The following ITGB4 variants were observed in gnomAD, a reference collection of about 807,000 sequenced individuals.
ITGB4 encodes the protein integrin subunit beta 4.
Under a neutral mutation model 207.6 loss-of-function variants are expected in ITGB4, and 159 were observed. The observed-to-expected ratio is 0.77, with a 90% CI of 0.67 to 0.87. The LOEUF is 0.87. Ranked by LOEUF, ITGB4 falls within the 40% of genes least tolerant of loss-of-function variation. ITGB4 has a pLI of 0.00. For synonymous variants in ITGB4, 1,020 were observed against 1,062.7 expected (o/e 0.96, Z 0.78); for missense variants, 2,278 against 2,546.8 (o/e 0.89, Z 2.27).
At chr17:75,733,462 T>G in intron 12 of ITGB4, 28 bp from the exon 13 acceptor site, 1 of 1,604,014 alleles carries the variant, frequency 6.2e-7, no homozygotes, top group Non-Finnish European at 8.5e-7. Context: ...CCTGGGCTGT[T>G]TCGGGGAATG....
chr17:75,742,754 G>A lies in ITGB4; in HGVS notation c.2955G>A (p.Lys985=), dbSNP rs565947959. 91 of 1,608,692 alleles carry A rather than the reference G, an allele frequency of 5.7e-5. No individual in the cohort carries two copies. In the South Asian group the frequency reaches 9.3e-4, roughly 17 times the overall value. ...GRRLVNITII[K]EQARDVVSFE... The stretch of plus-strand genomic sequence containing the variant: ...GCCTGGTAAACATCACCATCATCAA[G>A]GAGCAAGGTGGGTCTGGGTGGGGAG... The change falls in exon 25 of 40, where the codon AAG becomes AAA. Residue 985 remains lysine (K), a synonymous_variant. Transcript: ENST00000200181. The surrounding 1 kb of genome is among the most constrained non-coding windows in gnomAD (Gnocchi z 5.9).
chr17:75,753,723 C>T, intron 32 of ITGB4, 42 bp from the exon 33 acceptor site: 1 of 1,311,470 alleles, frequency 7.6e-7, no homozygotes, highest in Non-Finnish European at 9.8e-7. Flanking sequence ...CTCGGCCCGG[C>T]GCCCCCCGGC....
chr17:75,749,109 A>T, intron 27 of ITGB4, 64 bp downstream of exon 27: 1 of 1,354,736 alleles, frequency 7.4e-7, no homozygotes, highest in East Asian at 2.3e-5. Context: ...TCTCTCAACT[A>T]GGTCTGTCAG....
In ITGB4 at chr17:75,724,789, C is replaced by G. The variant is rs1279966793; in HGVS notation, c.79+7C>G. On this transcript the variant is annotated splice_region_variant and intron_variant, in intron 2 of 39. Transcript: ENST00000200181. ...AGCCTCTCTGGGACCTTGGGTGAGT[C>G]CACGTTGCCCTGCAGCCCCCTCCTG... 1 of 1,611,950 alleles carries G rather than the reference C, an allele frequency of 6.2e-7. No individual in the cohort carries two copies. The highest frequency in any genetic ancestry group is 8.5e-7 in the Non-Finnish European group (1 of 1,178,750).
intron 23 of ITGB4, among the ~76,000 whole-genome samples, chr17:75,741,807 A>G (rs1232474013): frequency 1.4e-5 from 2 of 143,276 alleles, no homozygotes; most frequent in Non-Finnish European, 3.1e-5. Flanking sequence ...ATCCGTCTTG[A>G]AAAAAAAAAA....
chr17:75,756,524 G>T lies in ITGB4; in HGVS notation c.4804G>T (p.Ala1602Ser), dbSNP rs1568387067. 3.1e-6 allele frequency: 5 copies of T among 1,613,290 alleles called. No individual in the cohort carries two copies. In the Admixed American group the frequency reaches 6.7e-5, roughly 22 times the overall value. Residue 1602 changes from alanine (A) to serine (S), a missense_variant, in exon 36 of 40, where the codon GCC (alanine) becomes TCC (serine). Coordinates refer to ENST00000200181, the MANE Select transcript of ITGB4 (RefSeq NM_000213.5). ...CCACTCCTACGTGTTCCGCGTGCGG[G>T]CCCAGAGCCAGGAAGGCTGGGGCCG... ...PNHSYVFRVR[A>S]QSQEGWGRER...
chr17:75,735,961 C>G lies in ITGB4; in HGVS notation c.1658-90C>G, dbSNP rs914218002. 6.6e-6 allele frequency: 8 copies of G among 1,210,466 alleles called. No homozygotes were observed. The African/African-American group carries it at 8.9e-5, about 14-fold the overall frequency. 75.0% of individuals were successfully genotyped at this position (1,210,466 alleles called of 1,614,324 possible). ...TAGCGGCACCCTGGCTCCCACAGCTCTGTTCCCACAGGCCCTCCCTGCCAG... is the reference window on the plus strand; with the variant it reads ...TAGCGGCACCCTGGCTCCCACAGCTGTGTTCCCACAGGCCCTCCCTGCCAG... On this transcript the variant is annotated intron_variant, in intron 13 of 39. Transcript: ENST00000200181.
rs991886836 is a variant in ITGB4, at chr17:75,743,880, G to T, written c.3111+19G>T. On this transcript the variant is annotated intron_variant, in intron 26 of 39. Coordinates refer to ENST00000200181, the MANE Select transcript of ITGB4 (RefSeq NM_000213.5). ...CAACCGGGTGAGGCTGCGCCACAGG[G>T]TCGAGGGTGCAGCCCGGGGGGCTGC... 2 of 1,564,176 alleles carry T rather than the reference G, an allele frequency of 1.3e-6. No individual in the cohort carries two copies. Among genetic ancestry groups the T allele is most frequent in the Non-Finnish European group, 8.7e-7 (1 of 1,155,106 alleles).
At position 75,757,762 on chromosome 17, in the gene ITGB4, A is replaced by C; in HGVS notation, c.*207A>C. The C allele has an allele frequency of 1.4e-6, 1 of 714,890 alleles. No homozygotes were observed. Among genetic ancestry groups the C allele is most frequent in the Non-Finnish European group, 2.4e-6 (1 of 421,972 alleles). The allele number at this position is 714,890 out of a possible 1,614,324, so 44.3% of individuals were successfully genotyped here. On this transcript the variant is annotated 3_prime_UTR_variant, in exon 40 of 40. Transcript: ENST00000200181. ...ACCTATTTGTAACCAAAGAGCTGGG[A>C]GCAGCACAAGGACCCAGCCTTTGTT...
chr17:75,736,065 T>A lies in ITGB4; in HGVS notation c.1672T>A (p.Ser558Thr). ...CCTCTCTGCAGACCGAGGACGCTGC[T>A]CCATGGGCCAGTGTGTGTGTGAGCC... ...GFLCNDRGRC[S>T]MGQCVCEPGW... is the part of the protein sequence containing the mutation. Residue 558 changes from serine (S) to threonine (T), a missense_variant, in exon 14 of 40, where the codon TCC becomes ACC. Coordinates refer to ENST00000200181, the MANE Select transcript of ITGB4 (RefSeq NM_000213.5). The A allele has an allele frequency of 6.2e-7, 1 of 1,614,052 alleles. No homozygotes were observed.
intron 32 of ITGB4, 132 bp from the exon 33 acceptor site, chr17:75,753,630 GCCC>G: frequency 3.8e-6 from 2 of 521,470 alleles, no homozygotes; most frequent in Non-Finnish European, 5.9e-6. Context: ...ATCTACCCCC[GCCC>G]CCAACACACA....
intron 18 of ITGB4, among the ~76,000 whole-genome samples, chr17:75,738,926 T>C (rs2061043604): frequency 6.6e-6 from 1 of 151,660 alleles, no homozygotes; most frequent in Non-Finnish European, 1.5e-5. Context: ...CAGTGAGCTA[T>C]GATTATGCCA....
At chr17:75,748,188 G>A (rs2061275979) in intron 26 of ITGB4, among the ~76,000 whole-genome samples, 3 of 115,124 alleles carry the variant, frequency 2.6e-5, no homozygotes, top group South Asian at 6.1e-4. Flanking sequence ...TAGGGTAACC[G>A]TGCCTCTACA....
At chr17:75,748,561 T>C (rs1001932715) in intron 26 of ITGB4, among the ~76,000 whole-genome samples, 2 of 150,920 alleles carry the variant, frequency 1.3e-5, no homozygotes, top group African/African-American at 4.9e-5. Flanking sequence ...TCCCAGCTAC[T>C]CAGGAAGATG....
At chr17:75,736,734 AGGCAGCGGGCATCCAACGG>A in intron 16 of ITGB4, 40 bp downstream of exon 16, 2 of 1,572,142 alleles carry the variant, frequency 1.3e-6, no homozygotes, top group Non-Finnish European at 1.7e-6. Context: ...CTGAGAGCCT[AGGCAGCGGGCATCCAACGG>A]GGCAAGGGTG....
rs760103400 is a variant in ITGB4, at chr17:75,751,008, C to A, written c.3690C>A (p.Val1230=). ...AGCCAGGGCGTCTGGCCTTCAATGT[C>A]GTCTCCTCCACGGTGACCCAGCTGA... ...PSEPGRLAFN[V]VSSTVTQLSW... Residue 1230 remains valine (V), a synonymous_variant, in exon 30 of 40, where the codon GTC becomes GTA. Transcript: ENST00000200181. The A allele has an allele frequency of 7.4e-6, 12 of 1,613,810 alleles. 1 individual carries two copies. The highest frequency in any genetic ancestry group is 1.6e-4 in the Middle Eastern group (1 of 6,062).
rs2061090418 is a variant in ITGB4, at chr17:75,740,777, C to A, written c.2551-16C>A. The stretch of plus-strand genomic sequence containing the variant: ...GTGGCCTAGGCCCAGCCTCACGCCC[C>A]TCCCTTGCCTGGCAGCTGAACGAGG... On this transcript the variant is annotated splice_polypyrimidine_tract_variant and intron_variant, in intron 21 of 39. Transcript: ENST00000200181. This position sits in a 1 kb window ranked among gnomAD's most constrained non-coding sequence, Gnocchi z 5.9. 6.2e-7 allele frequency: 1 copy of A among 1,612,526 alleles called. No homozygotes were observed. Among genetic ancestry groups the A allele is most frequent in the African/African-American group, 1.3e-5 (1 of 74,906 alleles).
intron 30 of ITGB4, 22 bp downstream of exon 30, chr17:75,751,133 C>T: frequency 6.2e-7 from 1 of 1,611,756 alleles, no homozygotes; most frequent in Non-Finnish European, 8.5e-7. Flanking sequence ...ATCCTTCTTT[C>T]CTGCCCACAG....
rs55981241 is a variant in ITGB4 at position 75,722,757 on chromosome 17, CTGTGTG to C, written c.-11+1175_-11+1180del. The stretch of plus-strand genomic sequence containing the variant: ...GAGCCTGTGGGTGGGTGGGCATGGC[CTGTGTG>C]TGTGTGTGTGTGTGTGTGTGTGTGT... On this transcript the variant is annotated intron_variant, in intron 1 of 39. Transcript: ENST00000200181. The surrounding 1 kb of genome is among the most constrained non-coding windows in gnomAD (Gnocchi z 6.2). Among the ~76,000 whole-genome samples, 17 of 135,162 alleles carry C rather than the reference CTGTGTG, an allele frequency of 1.3e-4. No homozygotes were observed. Among genetic ancestry groups the C allele is most frequent in the Non-Finnish European group, 1.9e-4 (12 of 62,984 alleles). The allele number at this position is 135,162 out of a possible 152,430, so 88.7% of individuals were successfully genotyped here. A position where few individuals can be genotyped will look rare whatever the true frequency, so the allele number is the denominator to read the frequency against.
Sources: gnomAD v4.1 joint callset for allele counts (sites outside exome capture counted in the v4.1 genomes callset) on GRCh38, gnomAD v4.1.1 for gene constraint, Gnocchi (gnomAD v3.1) non-coding constraint, MANE v1.5 for transcripts, NCBI Gene and HGNC (gene_info 2026-07-23, HGNC 2026-07-21) for gene names.